Variants in TENT2 observed in about 807,000 individuals in gnomAD.
TENT2 encodes the protein terminal nucleotidyltransferase 2.
In TENT2, 44 loss-of-function variants were observed where a neutral mutation model predicts 72.2. The ratio of observed to expected loss-of-function variants is 0.61; its 90% CI spans 0.48 to 0.78. The LOEUF (loss-of-function observed/expected upper bound fraction) is 0.78. Ranked by LOEUF, TENT2 falls within the 30% of genes least tolerant of loss-of-function variation. The pLI, the probability that TENT2 is intolerant of heterozygous loss-of-function variation, is 0.00. For synonymous variants in TENT2, 212 were observed against 192.5 expected, an observed-to-expected ratio of 1.10 and a Z score of -0.84; for missense variants, 541 against 569.6, an observed-to-expected ratio of 0.95 and a Z score of 0.51.
chr5:79,687,555 A>G lies in TENT2; in HGVS notation c.*2282A>G, dbSNP rs150920965. Among the ~76,000 whole-genome samples, 2,166 of 152,334 alleles carry G rather than the reference A, an allele frequency of 0.014. 22 individuals are homozygous for G. The highest frequency in any genetic ancestry group is 0.027 in the Middle Eastern group (8 of 294). On this transcript the variant is annotated 3_prime_UTR_variant, in exon 15 of 15. Transcript: ENST00000453514. Reference sequence around the variant, plus strand: ...ACGTAATACAATGTAAATGCTATGTAAATAGTTGTTATACTGTATTGTTTA... The same window carrying G: ...ACGTAATACAATGTAAATGCTATGTGAATAGTTGTTATACTGTATTGTTTA...
rs1826047508 is a variant in TENT2, at chr5:79,686,423, A to G, written c.*1150A>G. Reference sequence around the variant, plus strand: ...AGTGCCTGTAAATTTAAATATAAAAAGTAACCTTGAAAACAGTTTTAACTT... The same window carrying G: ...AGTGCCTGTAAATTTAAATATAAAAGGTAACCTTGAAAACAGTTTTAACTT... On this transcript the variant is annotated 3_prime_UTR_variant, in exon 15 of 15. Coordinates refer to ENST00000453514, the MANE Select transcript of TENT2 (RefSeq NM_001114394.3). 1 of 152,146 alleles carries G rather than the reference A, an allele frequency of 6.6e-6. No homozygotes were observed. Among genetic ancestry groups the G allele is most frequent in the South Asian group, 2.1e-4 (1 of 4,832 alleles). 9.4% of individuals were successfully genotyped at this position (152,146 alleles called of 1,614,324 possible). A position where few individuals can be genotyped will look rare whatever the true frequency, so the allele number is the denominator to read the frequency against.
intron 11 of TENT2, among the ~76,000 whole-genome samples, chr5:79,664,583 T>C (rs1318212993): frequency 7.1e-6 from 1 of 141,538 alleles, no homozygotes; most frequent in Non-Finnish European, 1.5e-5. Flanking sequence ...TGACAGAGTC[T>C]CACTCTGTCT....
At chr5:79,639,842 G>A (rs188359737) in intron 4 of TENT2, among the ~76,000 whole-genome samples, 1 of 152,240 alleles carries the variant, frequency 6.6e-6, no homozygotes, top group East Asian at 1.9e-4. Flanking sequence ...GAATACTGGA[G>A]GAAATAAAAG....
Position 79,688,088 on chromosome 5 carries a change from CTG to C in TENT2, c.*2817_*2818del, listed in dbSNP as rs1485827709. 6.6e-6 allele frequency among the ~76,000 whole-genome samples: 1 copy of C among 152,166 alleles called. No homozygotes were observed. Among genetic ancestry groups the C allele is most frequent in the Non-Finnish European group, 1.5e-5 (1 of 68,040 alleles). On this transcript the variant is annotated 3_prime_UTR_variant, in exon 15 of 15. Coordinates refer to ENST00000453514, the MANE Select transcript of TENT2 (RefSeq NM_001114394.3). ...CCTTATGCCCCACTAGCTGATGTAT[CTG>C]TACTGTAATTCAATGATTTACAGTT... is the stretch of plus-strand genomic sequence containing the variant.
intron 11 of TENT2, among the ~76,000 whole-genome samples, chr5:79,665,439 C>G (rs904112434): frequency 6.6e-6 from 1 of 152,052 alleles, no homozygotes; most frequent in Non-Finnish European, 1.5e-5. Flanking sequence ...ATGGGACAGT[C>G]TCAGAAAAAA....
chr5:79,679,468 G>A, intron 12 of TENT2, 111 bp from the exon 13 acceptor site: 1 of 563,146 alleles, frequency 1.8e-6, no homozygotes, highest in South Asian at 5.1e-5. Context: ...TGGGGCACAG[G>A]TTTCAGTGTT....
At chr5:79,669,528 GAA>G (rs1354382220) in intron 12 of TENT2, among the ~76,000 whole-genome samples, 6 of 152,134 alleles carry the variant, frequency 3.9e-5, no homozygotes, top group African/African-American at 1.2e-4. Flanking sequence ...ATAAAACAAA[GAA>G]TGTATAATCA....
chr5:79,622,729 A>G (rs752856012), intron 3 of TENT2, among the ~76,000 whole-genome samples: 8 of 152,152 alleles, frequency 5.3e-5, no homozygotes, highest in Non-Finnish European at 1.0e-4. Flanking sequence ...TAATATTAAT[A>G]AAATACTATT....
At chr5:79,664,426 C>T (rs1416179065) in intron 11 of TENT2, among the ~76,000 whole-genome samples, 1 of 152,032 alleles carries the variant, frequency 6.6e-6, no homozygotes, top group Non-Finnish European at 1.5e-5. Context: ...CAAACCCCGT[C>T]TCTACTAAAA....
At chr5:79,653,588 G>A (rs759321356) in intron 10 of TENT2, among the ~76,000 whole-genome samples, 18 of 152,134 alleles carry the variant, frequency 1.2e-4, no homozygotes, top group Non-Finnish European at 2.1e-4. Flanking sequence ...TTTTGACAGA[G>A]TAGTCCCATT....
intron 3 of TENT2, among the ~76,000 whole-genome samples, chr5:79,621,484 C>T (rs1034041478): frequency 1.3e-5 from 2 of 152,142 alleles, no homozygotes; most frequent in South Asian, 2.1e-4. Context: ...TTAGGCCGGG[C>T]GCAGTGGCTC....
intron 10 of TENT2, 57 bp from the exon 11 acceptor site, chr5:79,656,901 T>C: frequency 7.7e-7 from 1 of 1,303,612 alleles, no homozygotes; most frequent in East Asian, 2.4e-5. Flanking sequence ...GACAAATTAT[T>C]GCATTGTAAA....
Position 79,648,759 on chromosome 5 carries a change from G to A in TENT2, c.898+66G>A. On this transcript the variant is annotated intron_variant, in intron 9 of 14. Transcript: ENST00000453514. ...CTTTATTCATTTTTAAAGATGTTTG[G>A]CATAAATAGTGACATCTCTTTAGTT... 5.7e-6 allele frequency: 7 copies of A among 1,223,802 alleles called. No individual in the cohort carries two copies. In the South Asian group the frequency reaches 8.3e-5, roughly 14 times the overall value. The allele number at this position is 1,223,802 out of a possible 1,614,324, so 75.8% of individuals were successfully genotyped here.
chr5:79,679,160 TC>T (rs1160538551), intron 12 of TENT2, among the ~76,000 whole-genome samples: 1 of 152,088 alleles, frequency 6.6e-6, no homozygotes, highest in Non-Finnish European at 1.5e-5. Context: ...TGCCTCAGCC[TC>T]CCAAAGTGCT....
Position 79,679,694 on chromosome 5 carries a change from GT to G in TENT2, c.1300+25del, listed in dbSNP as rs753696411. On this transcript the variant is annotated intron_variant, in intron 13 of 14. Coordinates refer to ENST00000453514, the MANE Select transcript of TENT2 (RefSeq NM_001114394.3). Reference sequence around the variant, plus strand: ...AGGTAGTTTTCTGTTTACCATCTACGTATCATCATGGTACTAAGAGAATTAC... The same window carrying G: ...AGGTAGTTTTCTGTTTACCATCTACGATCATCATGGTACTAAGAGAATTAC... 3 of 1,356,106 alleles carry G rather than the reference GT, an allele frequency of 2.2e-6. No homozygotes were observed. The African/African-American group carries it at 4.4e-5, about 20-fold the overall frequency. 84.0% of individuals were successfully genotyped at this position (1,356,106 alleles called of 1,614,324 possible). A position where few individuals can be genotyped will look rare whatever the true frequency, so the allele number is the denominator to read the frequency against.
At chr5:79,632,759 G>C in intron 4 of TENT2, among the ~76,000 whole-genome samples, 1 of 152,050 alleles carries the variant, frequency 6.6e-6, no homozygotes, top group East Asian at 1.9e-4. Flanking sequence ...AAAGGACTCT[G>C]TCTTTTTAAT....
intron 4 of TENT2, among the ~76,000 whole-genome samples, chr5:79,630,446 C>T (rs1416954308): frequency 6.6e-6 from 1 of 152,034 alleles, no homozygotes; most frequent in Non-Finnish European, 1.5e-5. Context: ...AGCTTCGTGG[C>T]AGGTGCCTGT....
At chr5:79,645,420 A>G (rs145764210) in intron 8 of TENT2, among the ~76,000 whole-genome samples, 1 of 152,230 alleles carries the variant, frequency 6.6e-6, no homozygotes, top group African/African-American at 2.4e-5. Flanking sequence ...GAGACTATCT[A>G]ATTTAAAGAG....
At chr5:79,629,834 A>AT (rs1390526176) in intron 4 of TENT2, among the ~76,000 whole-genome samples, 2 of 147,210 alleles carry the variant, frequency 1.4e-5, no homozygotes, top group Non-Finnish European at 3.0e-5. Context: ...CTCAAAAAAA[A>AT]AATAATAACC....
Sources: gnomAD v4.1 joint callset for allele counts (sites outside exome capture counted in the v4.1 genomes callset) on GRCh38, gnomAD v4.1.1 for gene constraint, MANE v1.5 for transcripts, NCBI Gene and HGNC (gene_info 2026-07-23, HGNC 2026-07-21) for gene names.